The following NCAPG2 variants were observed in gnomAD, a reference collection of about 807,000 sequenced individuals.
The protein encoded by NCAPG2 is condensin-2 complex subunit G2.
In NCAPG2, 53 loss-of-function variants were observed where a neutral mutation model predicts 141.1. The ratio of observed to expected loss-of-function variants is 0.38; its 90% confidence interval spans 0.30 to 0.47. NCAPG2 has a LOEUF of 0.47. Ranked by LOEUF, NCAPG2 falls within the 20% of genes least tolerant of loss-of-function variation. The probability of loss-of-function intolerance (pLI) is 0.99; values close to 1 mark genes in which losing one functional copy is unlikely to be tolerated. For missense variants in NCAPG2, 1,087 were observed against 1,389.0 expected, an observed-to-expected ratio of 0.78 and a Z score of 3.46; for synonymous variants, 499 against 490.7, an observed-to-expected ratio of 1.02 and a Z score of -0.22.
chr7:158,655,227 A>G lies in NCAPG2; in HGVS notation c.2537T>C (p.Met846Thr). Residue 846 changes from methionine (M) to threonine (T), a missense_variant, in exon 21 of 28, where the codon ATG becomes ACG. By Grantham distance (81) the Met-to-Thr change is moderately conservative (BLOSUM62 -1). Transcript: ENST00000356309. ...TAACCAAAAGCCAGTGTCTTCCAAC[A>G]TGGACAAATACACCTTTCCTTCTGA... ...FCSEGKVYLS[M>T]LEDTGFWLES... 6 of 1,614,052 alleles carry G rather than the reference A, an allele frequency of 3.7e-6. No individual in the cohort carries two copies. The highest frequency in any genetic ancestry group is 5.1e-6 in the Non-Finnish European group (6 of 1,179,996).
chr7:158,652,726 G>A lies in NCAPG2; in HGVS notation c.2747-246C>T, dbSNP rs551022885. On this transcript the variant is annotated intron_variant, in intron 22 of 27. Transcript: ENST00000356309. ...TGATATCTTCAATAACAGTAATAGT[G>A]TATTAGTCACTAAACTAAAAATTGT... Among the ~76,000 whole-genome samples, 12 of 152,336 alleles carry A rather than the reference G, an allele frequency of 7.9e-5. No homozygotes were observed. In the East Asian group the frequency reaches 2.1e-3, roughly 27 times the overall value.
intron 13 of NCAPG2, among the ~76,000 whole-genome samples, chr7:158,669,732 G>A (rs1341596954): frequency 8.1e-6 from 1 of 124,068 alleles, no homozygotes; most frequent in East Asian, 2.5e-4. Context: ...TTGTGCCATT[G>A]CACCCCAGCC....
chr7:158,648,047 T>C (rs1423934957), intron 24 of NCAPG2, among the ~76,000 whole-genome samples: 3 of 152,234 alleles, frequency 2.0e-5, no homozygotes, highest in South Asian at 4.1e-4. Context: ...CAAATTTGAA[T>C]ATTTAAGTCA....
chr7:158,672,967 G>A (rs1031385721), intron 12 of NCAPG2, among the ~76,000 whole-genome samples: 2 of 152,214 alleles, frequency 1.3e-5, no homozygotes, highest in African/African-American at 2.4e-5. Flanking sequence ...TGACCCATCT[G>A]GGCAAGGGAG....
chr7:158,694,495 AG>A (rs1245925114), intron 2 of NCAPG2, among the ~76,000 whole-genome samples: 1 of 152,194 alleles, frequency 6.6e-6, no homozygotes, highest in Non-Finnish European at 1.5e-5. Context: ...CTACCCACAC[AG>A]GGACGGACAG....
In NCAPG2 at chr7:158,652,290, T is replaced by C. The variant is rs1182191705; in HGVS notation, c.2934+3A>G. 4 of 1,612,174 alleles carry C rather than the reference T, an allele frequency of 2.5e-6. No individual in the cohort carries two copies. The highest frequency in any genetic ancestry group is 2.5e-6 in the Non-Finnish European group (3 of 1,179,586). ...GAACCCCGTCCTGGGGAGTTCTGAGTACCCGCAGGCCTTCTTCCGGCTGCT... is the reference window on the plus strand; with the variant it reads ...GAACCCCGTCCTGGGGAGTTCTGAGCACCCGCAGGCCTTCTTCCGGCTGCT... On this transcript the variant is annotated splice_donor_region_variant and intron_variant, in intron 23 of 27. Transcript: ENST00000356309.
At chr7:158,694,073 C>T (rs1383570932) in intron 2 of NCAPG2, among the ~76,000 whole-genome samples, 1 of 152,156 alleles carries the variant, frequency 6.6e-6, no homozygotes, top group Admixed American at 6.5e-5. Context: ...AGCACCAAAA[C>T]AGTGACAGTG....
chr7:158,658,264 C>G, intron 17 of NCAPG2, 74 bp downstream of exon 17: 1 of 1,361,556 alleles, frequency 7.3e-7, no homozygotes, highest in Non-Finnish European at 1.0e-6. Flanking sequence ...GGTCTGCTGA[C>G]ATGAATTAAT....
chr7:158,674,273 C>A lies in NCAPG2; in HGVS notation c.1326+1204G>T, dbSNP rs527720990. 1.6e-3 allele frequency among the ~76,000 whole-genome samples: 196 copies of A among 124,176 alleles called. 4 individuals carry two copies. The Admixed American group carries it at 0.018, about 11-fold the overall frequency. The allele number at this position is 124,176 out of a possible 152,430, so 81.5% of individuals were successfully genotyped here. A position where few individuals can be genotyped will look rare whatever the true frequency, so the allele number is the denominator to read the frequency against. On this transcript the variant is annotated intron_variant, in intron 12 of 27. Transcript: ENST00000356309. Reference sequence around the variant, plus strand: ...TGCTGAGAGGGAGAGGTTGAATATGCACAGAAAAAAAAAAATTTTTTTTTT... The same window carrying A: ...TGCTGAGAGGGAGAGGTTGAATATGAACAGAAAAAAAAAAATTTTTTTTTT...
intron 10 of NCAPG2, 22 bp downstream of exon 10, chr7:158,680,699 A>T: frequency 6.9e-7 from 1 of 1,444,150 alleles, no homozygotes; most frequent in South Asian, 1.5e-5. Context: ...CCAAACACGG[A>T]TAAACTATTT....
chr7:158,670,371 GC>G (rs966650297), intron 13 of NCAPG2, among the ~76,000 whole-genome samples: 29 of 152,124 alleles, frequency 1.9e-4, no homozygotes, highest in Admixed American at 7.2e-4. Context: ...TTTGAGACCA[GC>G]CTGGGCAACA....
rs1563549335 is a variant in NCAPG2 at position 158,672,292 on chromosome 7, G to GTATATA, written c.1327-632_1327-627dup. On this transcript the variant is annotated intron_variant, in intron 12 of 27. Coordinates refer to ENST00000356309, the MANE Select transcript of NCAPG2 (RefSeq NM_017760.7). ...ATTCCAAACACATGTGTGTGTGTGT[G>GTATATA]TATATATATATATATATATATATAT... Among the ~76,000 whole-genome samples, 21 of 27,206 alleles carry GTATATA rather than the reference G, an allele frequency of 7.7e-4. No individual in the cohort carries two copies. The South Asian group carries it at 0.016, about 20-fold the overall frequency. 17.8% of individuals were successfully genotyped at this position (27,206 alleles called of 152,430 possible).
intron 22 of NCAPG2, among the ~76,000 whole-genome samples, 193 bp downstream of exon 22, chr7:158,654,402 G>A (rs186303367): frequency 3.9e-5 from 6 of 152,336 alleles, no homozygotes; most frequent in Admixed American, 2.0e-4. Flanking sequence ...AACTCTGGAT[G>A]TAGTCATGTC....
chr7:158,656,756 C>G, intron 17 of NCAPG2, 51 bp from the exon 18 acceptor site: 1 of 1,578,236 alleles, frequency 6.3e-7, no homozygotes, highest in Non-Finnish European at 8.6e-7. Flanking sequence ...GGAGACTCCC[C>G]AACTTTGTCA....
intron 2 of NCAPG2, chr7:158,696,175 T>G (rs1011702836): frequency 6.6e-6 from 1 of 152,302 alleles, no homozygotes; most frequent in African/African-American, 2.4e-5. Flanking sequence ...GTTGGATGTC[T>G]GGCACTTTGG....
chr7:158,658,395 T>C lies in NCAPG2; in HGVS notation c.2003A>G (p.Lys668Arg). The stretch of plus-strand genomic sequence containing the variant: ...GGACATTAGCATGAATAAAGGGATC[T>C]TGCAGCGATCATCCTAAAAGCGAAA... ...YLKVFKDDRC[K>R]IPLFMLMSFM... The change falls in exon 17 of 28, where the codon AAG (lysine) becomes AGG (arginine). Residue 668 changes from lysine (K) to arginine (R), a missense_variant. Lys to Arg is a conservative substitution (Grantham distance 26, BLOSUM62 2). Coordinates refer to ENST00000356309, the MANE Select transcript of NCAPG2 (RefSeq NM_017760.7). The C allele has an allele frequency of 6.2e-7, 1 of 1,611,330 alleles. No homozygotes were observed. The highest frequency in any genetic ancestry group is 8.5e-7 in the Non-Finnish European group (1 of 1,178,494).
chr7:158,642,736 CCT>C (rs1830733705), intron 27 of NCAPG2, among the ~76,000 whole-genome samples: 1 of 151,950 alleles, frequency 6.6e-6, no homozygotes, highest in African/African-American at 2.4e-5. Flanking sequence ...CAAATTAAAT[CCT>C]AAGTAAGAAA....
chr7:158,703,337 A>G (rs552110462), intron 1 of NCAPG2, among the ~76,000 whole-genome samples: 82 of 152,342 alleles, frequency 5.4e-4, no homozygotes, highest in African/African-American at 1.8e-3. Flanking sequence ...ATGGAATCAT[A>G]CATCTTCGCC....
chr7:158,637,425 A>ACTTTCTCCAGGTTTCCGTAAGGCCCTC (rs1339777369), intron 27 of NCAPG2, among the ~76,000 whole-genome samples: 1 of 25,020 alleles, frequency 4.0e-5, no homozygotes, highest in Non-Finnish European at 7.6e-5. Context: ...GAAGGAGGGG[A>ACTTTCTCCAGGTTTCCGTAAGGCCCTC]CTTTCTCCAG....
Sources: allele counts gnomAD v4.1 joint callset (sites outside exome capture counted in the v4.1 genomes callset), GRCh38; gene constraint gnomAD v4.1.1; transcripts MANE v1.5; gene names NCBI Gene and HGNC (gene_info 2026-07-23, HGNC 2026-07-21).